Variants in DCTN2 observed in about 807,000 individuals in gnomAD.
DCTN2 encodes the protein 50 kDa dynein-associated polypeptide.
A neutral mutation model predicts 55.4 loss-of-function variants in DCTN2; 18 were observed. The ratio of observed to expected loss-of-function variants is 0.32; its 90% CI spans 0.22 to 0.48. The LOEUF (loss-of-function observed/expected upper bound fraction) is 0.48. Among genes scored for constraint, DCTN2 ranks in the 20% least tolerant of loss-of-function variants. DCTN2 has a pLI of 0.99. For missense variants in DCTN2, 390 were observed against 491.0 expected (o/e 0.79, Z 1.94); for synonymous variants, 168 against 185.2 (o/e 0.91, Z 0.76).
At chr12:57,541,495 G>C in intron 2 of DCTN2, 1 of 993,954 alleles carries the variant, frequency 1.0e-6, no homozygotes, top group Non-Finnish European at 1.5e-6. Flanking sequence ...CTTCTAAACT[G>C]TAAGGAAGTA....
chr12:57,531,350 C>G (rs923546334), intron 13 of DCTN2, among the ~76,000 whole-genome samples: 21 of 151,786 alleles, frequency 1.4e-4, no homozygotes, highest in African/African-American at 5.1e-4. Flanking sequence ...TGGTGAAACC[C>G]CGTCTCTACT....
intron 2 of DCTN2, among the ~76,000 whole-genome samples, chr12:57,536,266 G>A (rs1880225313): frequency 6.6e-6 from 1 of 152,188 alleles, no homozygotes; most frequent in African/African-American, 2.4e-5. Context: ...TCCCATCCTT[G>A]CTAGAAGGAA....
chr12:57,535,646 A>AC (rs1880170228), intron 3 of DCTN2, 101 bp from the exon 4 acceptor site: 2 of 1,517,946 alleles, frequency 1.3e-6, no homozygotes, highest in Admixed American at 1.7e-5. Context: ...TCCATGAGGG[A>AC]CCCCTTCCCC....
At chr12:57,543,321 C>G (rs1288283707) in intron 2 of DCTN2, 8 of 197,964 alleles carry the variant, frequency 4.0e-5, no homozygotes, top group African/African-American at 1.4e-4. Flanking sequence ...TGCACTCCAG[C>G]CTGGGCGACA....
chr12:57,538,039 A>T (rs1880386638), intron 2 of DCTN2, among the ~76,000 whole-genome samples: 1 of 152,228 alleles, frequency 6.6e-6, no homozygotes, highest in Non-Finnish European at 1.5e-5. Flanking sequence ...CCCAGGAAAA[A>T]AATTAATCAT....
At chr12:57,533,509 C>T (rs1879933642) in intron 7 of DCTN2, among the ~76,000 whole-genome samples, 1 of 152,170 alleles carries the variant, frequency 6.6e-6, no homozygotes. Context: ...CGGTGGCTCA[C>T]GCCTGTAATC....
chr12:57,536,427 C>T (rs1880237318), intron 2 of DCTN2, among the ~76,000 whole-genome samples: 1 of 152,160 alleles, frequency 6.6e-6, no homozygotes, highest in Non-Finnish European at 1.5e-5. Context: ...GCCATGAGGC[C>T]AGCGAACTCA....
Sources: gnomAD v4.1 joint callset for allele counts (sites outside exome capture counted in the v4.1 genomes callset) on GRCh38, gnomAD v4.1.1 for gene constraint, MANE v1.5 for transcripts, NCBI Gene and HGNC (gene_info 2026-07-23, HGNC 2026-07-21) for gene names.